GRM7: variants seen among roughly 807,000 people sequenced by gnomAD.
GRM7 encodes glutamate metabotropic receptor 7.
Under a neutral mutation model 84.5 loss-of-function variants are expected in GRM7, and 35 were observed. The ratio of observed to expected loss-of-function variants is 0.41; its 90% CI spans 0.32 to 0.55. The LOEUF (loss-of-function observed/expected upper bound fraction) is 0.55, where lower values mean the gene tolerates loss of function less well. Ranked by LOEUF, GRM7 falls within the 20% of genes least tolerant of loss-of-function variation. The pLI is 0.19. For missense variants in GRM7, 1,003 were observed against 1,194.6 expected, an observed-to-expected ratio of 0.84 and a Z score of 2.36; for synonymous variants, 487 against 455.1, an observed-to-expected ratio of 1.07 and a Z score of -0.89.
intron 2 of GRM7, among the ~76,000 whole-genome samples, chr3:7,270,044 C>T (rs572522981): frequency 3.3e-5 from 5 of 152,332 alleles, no homozygotes; most frequent in South Asian, 2.1e-4. Context: ...CTAGGTCCCA[C>T]GCCCAGAGTT....
At chr3:7,159,306 G>A (rs1482689317) in intron 2 of GRM7, among the ~76,000 whole-genome samples, 1 of 152,094 alleles carries the variant, frequency 6.6e-6, no homozygotes, top group Non-Finnish European at 1.5e-5. Flanking sequence ...GTATTCTAAA[G>A]GGCAAGAATA....
intron 4 of GRM7, among the ~76,000 whole-genome samples, chr3:7,345,542 C>G (rs1022392038): frequency 4.6e-5 from 7 of 152,218 alleles, no homozygotes; most frequent in African/African-American, 7.2e-5. Flanking sequence ...CCTTGGCCTC[C>G]CAAAGTGCTG....
At chr3:7,191,965 G>A (rs955291862) in intron 2 of GRM7, among the ~76,000 whole-genome samples, 7 of 152,016 alleles carry the variant, frequency 4.6e-5, no homozygotes, top group Admixed American at 3.9e-4. Context: ...TTTTACATCA[G>A]TATTCTTAAA....
chr3:7,154,976 A>G (rs1459637399), intron 2 of GRM7, among the ~76,000 whole-genome samples: 1 of 152,136 alleles, frequency 6.6e-6, no homozygotes, highest in Admixed American at 6.6e-5. Context: ...TTATATGTAT[A>G]TTGGAAAGAT....
At chr3:7,297,820 C>G (rs566352647) in intron 2 of GRM7, among the ~76,000 whole-genome samples, 6 of 152,156 alleles carry the variant, frequency 3.9e-5, no homozygotes, top group African/African-American at 1.2e-4. Flanking sequence ...TTTCCTCTAC[C>G]CTTTTCATCG....
intron 2 of GRM7, among the ~76,000 whole-genome samples, chr3:7,294,839 G>A (rs1699760333): frequency 6.6e-6 from 1 of 152,230 alleles, no homozygotes; most frequent in South Asian, 2.1e-4. Flanking sequence ...TCTTCTGTAA[G>A]TGAATTCAGA....
intron 1 of GRM7, among the ~76,000 whole-genome samples, chr3:6,941,559 A>G (rs185965253): frequency 2.6e-5 from 4 of 152,336 alleles, no homozygotes; most frequent in African/African-American, 9.6e-5. Context: ...TAATCGTGTG[A>G]CTTAATTCCA....
At chr3:6,991,134 C>A (rs893648359) in intron 1 of GRM7, among the ~76,000 whole-genome samples, 2 of 152,248 alleles carry the variant, frequency 1.3e-5, no homozygotes, top group East Asian at 3.9e-4. Context: ...CAACCTGCAC[C>A]CTTAGTTTAC....
At chr3:7,009,464 A>T (rs577163170) in intron 1 of GRM7, among the ~76,000 whole-genome samples, 1 of 152,356 alleles carries the variant, frequency 6.6e-6, no homozygotes, top group African/African-American at 2.4e-5. Flanking sequence ...GATTCTAATT[A>T]GTTTTCTATC....
intron 1 of GRM7, among the ~76,000 whole-genome samples, chr3:7,138,989 C>T (rs1314413687): frequency 6.7e-6 from 1 of 149,210 alleles, no homozygotes; most frequent in African/African-American, 2.4e-5. Context: ...ACCAAAATTT[C>T]ACCTTTACTA....
chr3:6,866,662 G>A (rs1356105704), intron 1 of GRM7, among the ~76,000 whole-genome samples: 1 of 152,124 alleles, frequency 6.6e-6, no homozygotes, highest in African/African-American at 2.4e-5. Context: ...TGAGAACTGT[G>A]GAATTTACAG....
intron 5 of GRM7, among the ~76,000 whole-genome samples, chr3:7,433,763 T>C (rs886308050): frequency 6.6e-6 from 1 of 152,168 alleles, no homozygotes; most frequent in Admixed American, 6.6e-5. Context: ...ATGTTGAATA[T>C]CTGTAGAAGG....
At chr3:7,210,399 A>G (rs1384652338) in intron 2 of GRM7, among the ~76,000 whole-genome samples, 1 of 152,196 alleles carries the variant, frequency 6.6e-6, no homozygotes, top group Non-Finnish European at 1.5e-5. Flanking sequence ...ATATCTTTGA[A>G]AGATTTGTTA....
At chr3:7,066,054 T>C (rs908432660) in intron 1 of GRM7, among the ~76,000 whole-genome samples, 4 of 151,792 alleles carry the variant, frequency 2.6e-5, no homozygotes, top group Non-Finnish European at 5.9e-5. Flanking sequence ...TTCATAGCCC[T>C]AAACGTCTAC....
chr3:7,079,130 T>C (rs907049426), intron 1 of GRM7, among the ~76,000 whole-genome samples: 3 of 152,148 alleles, frequency 2.0e-5, no homozygotes, highest in African/African-American at 7.2e-5. Context: ...TTCTGTTTTA[T>C]GTTAAAGCAA....
chr3:7,395,145 G>T (rs1387281245), intron 4 of GRM7, among the ~76,000 whole-genome samples: 1 of 151,590 alleles, frequency 6.6e-6, no homozygotes, highest in Non-Finnish European at 1.5e-5. Flanking sequence ...CTTTAAATAT[G>T]TTTATAGAGC....
At chr3:7,422,542 T>C (rs1001750213) in intron 5 of GRM7, among the ~76,000 whole-genome samples, 1 of 152,166 alleles carries the variant, frequency 6.6e-6, no homozygotes, top group Non-Finnish European at 1.5e-5. Context: ...AGTTTCTCCC[T>C]TCTCATCTGT....
At chr3:6,881,513 A>G (rs1257368739) in intron 1 of GRM7, among the ~76,000 whole-genome samples, 1 of 152,118 alleles carries the variant, frequency 6.6e-6, no homozygotes, top group African/African-American at 2.4e-5. Context: ...GTTTATATGT[A>G]CCACATTTTC....
intron 1 of GRM7, among the ~76,000 whole-genome samples, chr3:7,107,239 T>A (rs2125029189): frequency 6.6e-6 from 1 of 152,110 alleles, no homozygotes; most frequent in Non-Finnish European, 1.5e-5. Context: ...TCTGTTCACC[T>A]CCGGAGTATA....
Sources: allele counts gnomAD v4.1 joint callset (sites outside exome capture counted in the v4.1 genomes callset), GRCh38; gene constraint gnomAD v4.1.1; transcripts MANE v1.5; gene names NCBI Gene and HGNC (gene_info 2026-07-23, HGNC 2026-07-21).